The following NCKAP5 variants were observed in gnomAD, a reference collection of about 807,000 sequenced individuals.
NCKAP5 encodes the protein NCK associated protein 5.
Under a neutral mutation model 167.0 loss-of-function variants are expected in NCKAP5, and 92 were observed. The ratio of observed to expected loss-of-function variants is 0.55; its 90% CI spans 0.47 to 0.66. The LOEUF (loss-of-function observed/expected upper bound fraction) is 0.66. Ranked by LOEUF, NCKAP5 falls within the 30% of genes least tolerant of loss-of-function variation. NCKAP5 has a pLI of 0.00. For missense variants in NCKAP5, 2,378 were observed against 2,315.0 expected (o/e 1.03, Z -0.56); for synonymous variants, 891 against 877.4 (o/e 1.02, Z -0.27).
At chr2:133,477,032 C>G (rs904299278) in intron 3 of NCKAP5, among the ~76,000 whole-genome samples, 1 of 152,162 alleles carries the variant, frequency 6.6e-6, no homozygotes, top group Non-Finnish European at 1.5e-5. Flanking sequence ...CTCACACATC[C>G]GCTTTTGTTG....
intron 8 of NCKAP5, among the ~76,000 whole-genome samples, chr2:132,883,972 C>T (rs1558898279): frequency 2.0e-5 from 3 of 152,226 alleles, no homozygotes; most frequent in South Asian, 2.1e-4. Context: ...GGAAAACTCC[C>T]GGAAAAAGTC....
chr2:133,004,879 G>A (rs2149343451), intron 6 of NCKAP5, among the ~76,000 whole-genome samples: 1 of 152,302 alleles, frequency 6.6e-6, no homozygotes, highest in South Asian at 2.1e-4. Context: ...CCCTGGGAAT[G>A]CATTCCTTTC....
chr2:133,471,736 A>G (rs1679343524), intron 3 of NCKAP5, among the ~76,000 whole-genome samples: 1 of 152,128 alleles, frequency 6.6e-6, no homozygotes, highest in South Asian at 2.1e-4. Context: ...TACCTAAGGT[A>G]ATGTTGATCA....
intron 5 of NCKAP5, among the ~76,000 whole-genome samples, chr2:133,137,724 G>T (rs1271780522): frequency 6.6e-6 from 1 of 152,156 alleles, no homozygotes; most frequent in African/African-American, 2.4e-5. Context: ...TTCCAGGGTG[G>T]GTTGTGAAGA....
intron 2 of NCKAP5, among the ~76,000 whole-genome samples, chr2:133,536,844 T>G (rs984862520): frequency 1.3e-5 from 2 of 152,056 alleles, no homozygotes; most frequent in African/African-American, 4.8e-5. Context: ...TTTTTATTGT[T>G]GCTTATGGTT....
chr2:133,250,719 C>T (rs987738296), intron 4 of NCKAP5, among the ~76,000 whole-genome samples: 2 of 152,208 alleles, frequency 1.3e-5, no homozygotes, highest in African/African-American at 2.4e-5. Context: ...GGGAGGATCA[C>T]TTGAGGCCAG....
intron 6 of NCKAP5, among the ~76,000 whole-genome samples, chr2:133,023,182 A>G (rs1297085869): frequency 6.6e-6 from 1 of 152,200 alleles, no homozygotes; most frequent in African/African-American, 2.4e-5. Context: ...GAGGGTAAAG[A>G]TTTGAGGTAA....
chr2:132,918,176 C>T (rs1220882063), intron 8 of NCKAP5, among the ~76,000 whole-genome samples: 3 of 152,140 alleles, frequency 2.0e-5, no homozygotes, highest in Non-Finnish European at 4.4e-5. Context: ...AATCAGATTC[C>T]TTTAATATAC....
chr2:132,963,837 C>T lies in NCKAP5; in HGVS notation c.462G>A (p.Lys154=). 18 of 1,613,824 alleles carry T rather than the reference C, an allele frequency of 1.1e-5. No homozygotes were observed. The highest frequency in any genetic ancestry group is 1.5e-5 in the Non-Finnish European group (18 of 1,179,820). The change falls in exon 8 of 20, where the codon AAG becomes AAA. Residue 154 remains lysine (K), a synonymous_variant. Transcript: ENST00000409261. Reference sequence around the variant, plus strand: ...CCATGTGAAGATCTTCCAAAGCTTCCTTATGTTTTCTCTCTTCCTCTGACA... The same window carrying T: ...CCATGTGAAGATCTTCCAAAGCTTCTTTATGTTTTCTCTCTTCCTCTGACA... ...EKLSEEERKH[K]EALEDLHMVV... is the part of the protein sequence containing the mutation.
intron 3 of NCKAP5, among the ~76,000 whole-genome samples, chr2:133,416,950 C>T (rs1392027130): frequency 1.3e-5 from 2 of 152,202 alleles, no homozygotes; most frequent in Admixed American, 6.5e-5. Flanking sequence ...TGGTCTTGCA[C>T]GCATCTGAGG....
intron 5 of NCKAP5, among the ~76,000 whole-genome samples, chr2:133,171,604 C>T (rs572769325): frequency 6.6e-6 from 1 of 152,310 alleles, no homozygotes; most frequent in South Asian, 2.1e-4. Context: ...GCTCCCTCTT[C>T]TGGTGGAAAG....
intron 6 of NCKAP5, among the ~76,000 whole-genome samples, chr2:133,067,257 T>C (rs2080231351): frequency 1.3e-5 from 2 of 152,350 alleles, no homozygotes; most frequent in Middle Eastern, 3.4e-3. Context: ...TGTTGTGGTG[T>C]CTCACATAAG....
chr2:133,553,293 A>G (rs571041683), intron 2 of NCKAP5, among the ~76,000 whole-genome samples: 1 of 152,224 alleles, frequency 6.6e-6, no homozygotes, highest in African/African-American at 2.4e-5. Flanking sequence ...TGGTATGAAT[A>G]TGGCAGAGCA....
intron 3 of NCKAP5, among the ~76,000 whole-genome samples, chr2:133,413,239 A>G (rs2151065860): frequency 6.6e-6 from 1 of 152,332 alleles, no homozygotes; most frequent in Non-Finnish European, 1.5e-5. Flanking sequence ...TCCAGGAAGG[A>G]AGTATTAGGA....
intron 1 of NCKAP5, among the ~76,000 whole-genome samples, chr2:133,562,792 AC>A (rs1386875219): frequency 6.6e-6 from 1 of 152,232 alleles, no homozygotes; most frequent in African/African-American, 2.4e-5. Context: ...TTATGTAACT[AC>A]GGGGAAGTAC....
the NCKAP5 span, among the ~76,000 whole-genome samples, chr2:133,586,218 G>C: frequency 6.6e-6 from 1 of 152,104 alleles, no homozygotes; most frequent in African/African-American, 2.4e-5. Flanking sequence ...GTGATCTCTA[G>C]GTATCTAAGC....
chr2:133,065,656 T>A (rs2080167711), intron 6 of NCKAP5, among the ~76,000 whole-genome samples: 1 of 152,082 alleles, frequency 6.6e-6, no homozygotes, highest in Non-Finnish European at 1.5e-5. Flanking sequence ...TAAGTTAGTT[T>A]ACACCCTCAG....
At chr2:133,221,107 G>A (rs755061818) in intron 4 of NCKAP5, among the ~76,000 whole-genome samples, 2 of 150,942 alleles carry the variant, frequency 1.3e-5, no homozygotes, top group Non-Finnish European at 2.9e-5. Flanking sequence ...TACTCTGTGA[G>A]TTGATGAACA....
chr2:133,618,474 C>A, the NCKAP5 span, among the ~76,000 whole-genome samples: 1 of 147,674 alleles, frequency 6.8e-6, no homozygotes, highest in Non-Finnish European at 1.5e-5. Context: ...AACAAACAAC[C>A]CCATCAAAAA....
Sources: gnomAD v4.1 joint callset for allele counts (sites outside exome capture counted in the v4.1 genomes callset) on GRCh38, gnomAD v4.1.1 for gene constraint, MANE v1.5 for transcripts, NCBI Gene and HGNC (gene_info 2026-07-23, HGNC 2026-07-21) for gene names.